Variants in KIF15 observed in about 807,000 individuals in gnomAD.
KIF15 encodes kinesin-like protein KIF15.
In KIF15, 140 loss-of-function variants were observed where a neutral mutation model predicts 190.6. The observed-to-expected ratio is 0.73, with a 90% CI of 0.64 to 0.84. The LOEUF (loss-of-function observed/expected upper bound fraction) is 0.84. KIF15 is among the 40% of genes least tolerant of loss of function. The probability of loss-of-function intolerance (pLI) is 0.00; values close to 1 mark genes in which losing one functional copy is unlikely to be tolerated. For synonymous variants in KIF15, 528 were observed against 551.3 expected, an observed-to-expected ratio of 0.96 and a Z score of 0.59; for missense variants, 1,372 against 1,584.4, an observed-to-expected ratio of 0.87 and a Z score of 2.28.
rs540486591 is a variant in KIF15, at chr3:44,813,596, T to TC, written c.2383+417dup. On this transcript the variant is annotated intron_variant, in intron 19 of 34. Transcript: ENST00000326047. The stretch of plus-strand genomic sequence containing the variant: ...TACCATGCCTGGCTAATTTTTTTTT[T>TC]CTTTGGTCATTTTTTTTTTGTTTTG... 2.0e-5 allele frequency among the ~76,000 whole-genome samples: 3 copies of TC among 151,124 alleles called. No individual in the cohort carries two copies. The East Asian group carries it at 5.9e-4, about 30-fold the overall frequency.
chr3:44,801,425 C>G (rs1358672273), intron 11 of KIF15, 25 bp from the exon 12 acceptor site: 1 of 1,364,372 alleles, frequency 7.3e-7, no homozygotes, highest in East Asian at 2.3e-5. Context: ...TTTTCATCTT[C>G]CCTTTCTTAT....
At chr3:44,796,737 C>T (rs1707005112) in intron 8 of KIF15, among the ~76,000 whole-genome samples, 1 of 152,032 alleles carries the variant, frequency 6.6e-6, no homozygotes, top group Non-Finnish European at 1.5e-5. Flanking sequence ...CTCATTTTTT[C>T]CCCCCACCAA....
chr3:44,851,680 T>C (rs1699061471), intron 32 of KIF15, 107 bp from the exon 33 acceptor site: 1 of 827,688 alleles, frequency 1.2e-6, no homozygotes. Context: ...AGATTAGTAA[T>C]ACTTTCAAAT....
chr3:44,862,148 T>TGCGGGCGGGCGG (rs575042744), intron 6 of KIF15: 2 of 118,732 alleles, frequency 1.7e-5, no homozygotes, highest in African/African-American at 6.6e-5. Context: ...GTGCTGCTGC[T>TGCGGGCGGGCGG]GCGGGCGGGC....
At position 44,810,861 on chromosome 3, in the gene KIF15, A is replaced by G. The variant is rs141153314; in HGVS notation, c.1987A>G (p.Thr663Ala). 4,604 of 1,613,158 alleles carry G rather than the reference A, an allele frequency of 2.9e-3. 9 individuals carry two copies. The highest frequency in any genetic ancestry group is 3.7e-3 in the Non-Finnish European group (4,330 of 1,179,716). ...AETLKIITTP[T>A]KAYQLHSRPV... ...TTTGCTGCAGATTATAACTACACCAACCAAGGCCTACCAACTTCATTCCCG... is the reference window on the plus strand; with the variant it reads ...TTTGCTGCAGATTATAACTACACCAGCCAAGGCCTACCAACTTCATTCCCG... Residue 663 changes from threonine to alanine, a missense_variant, in exon 17 of 35, where the codon ACC becomes GCC. Coordinates refer to ENST00000326047, the MANE Select transcript of KIF15 (RefSeq NM_020242.3).
At chr3:44,814,818 G>A (rs901519549) in intron 19 of KIF15, 93 bp from the exon 20 acceptor site, 20 of 961,398 alleles carry the variant, frequency 2.1e-5, no homozygotes, top group African/African-American at 1.3e-4. Flanking sequence ...TAGTCTCTTC[G>A]ACTTGATTTT....
Position 44,776,423 on chromosome 3 carries a change from T to TA in KIF15, c.246+1002dup, listed in dbSNP as rs771749089. Among the ~76,000 whole-genome samples, 204 of 134,732 alleles carry TA rather than the reference T, an allele frequency of 1.5e-3. 1 individual carries two copies. The highest frequency in any genetic ancestry group is 0.012 in the East Asian group (57 of 4,702). The allele number at this position is 134,732 out of a possible 152,430, so 88.4% of individuals were successfully genotyped here. On this transcript the variant is annotated intron_variant, in intron 3 of 34. Transcript: ENST00000326047. ...GGCAACAGAGCAAGACTCTATCTCT[T>TA]AAAAAAAAAAAAAAAAGATCTGTGA...
Position 44,826,031 on chromosome 3 carries a change from T to A in KIF15, c.2550-8T>A. 1 of 1,575,750 alleles carries A rather than the reference T, an allele frequency of 6.3e-7. No individual in the cohort carries two copies. Among genetic ancestry groups the A allele is most frequent in the Non-Finnish European group, 8.6e-7 (1 of 1,168,220 alleles). Reference sequence around the variant, plus strand: ...ATTTACCATTTTTAAAATGTTTTCCTTATAAAGGTTAGAAAACGAAAAGCT... The same window carrying A: ...ATTTACCATTTTTAAAATGTTTTCCATATAAAGGTTAGAAAACGAAAAGCT... On this transcript the variant is annotated splice_polypyrimidine_tract_variant and splice_region_variant and intron_variant, in intron 20 of 34. Transcript: ENST00000326047.
chr3:44,827,246 C>G (rs1697714609), intron 22 of KIF15: 1 of 500,724 alleles, frequency 2.0e-6, no homozygotes, highest in Non-Finnish European at 3.7e-6. Flanking sequence ...ACTAAACACT[C>G]TGAGGAAAAA....
intron 1 of KIF15, among the ~76,000 whole-genome samples, chr3:44,769,796 G>A (rs1705567218): frequency 6.6e-6 from 1 of 152,128 alleles, no homozygotes; most frequent in Admixed American, 6.5e-5. Flanking sequence ...TGTGAAAGGG[G>A]TCCTCCTCCA....
intron 5 of KIF15, among the ~76,000 whole-genome samples, chr3:44,781,388 T>G (rs1421230780): frequency 6.6e-6 from 1 of 152,234 alleles, no homozygotes; most frequent in Non-Finnish European, 1.5e-5. Flanking sequence ...TCACTCATGT[T>G]GTTGCATGTA....
intron 7 of KIF15, among the ~76,000 whole-genome samples, chr3:44,789,663 TATATATATATATATATATATA>T (rs1706582900): frequency 5.0e-5 from 1 of 19,964 alleles, no homozygotes; most frequent in African/African-American, 8.9e-5. Flanking sequence ...TATATATATA[TATATATATATATATATATATA>T]TATATATAAA....
intron 10 of KIF15, among the ~76,000 whole-genome samples, chr3:44,800,032 G>A (rs1470503907): frequency 6.6e-6 from 1 of 152,046 alleles, no homozygotes; most frequent in Non-Finnish European, 1.5e-5. Context: ...GAACACACCC[G>A]GATCCTAAGG....
intron 20 of KIF15, among the ~76,000 whole-genome samples, chr3:44,825,690 C>T (rs536295356): frequency 2.0e-5 from 3 of 152,330 alleles, no homozygotes; most frequent in Admixed American, 6.5e-5. Context: ...GCCTGGCTTA[C>T]GTGAGCATTA....
In KIF15 at chr3:44,830,054, A is replaced by C. The variant is rs766129439; in HGVS notation, c.3027A>C (p.Lys1009Asn). Reference protein sequence around the residue: ...CEKTETIDTLKQELKDINCKY... With the variant: ...CEKTETIDTLNQELKDINCKY... ...AAACAGAAACTATAGACACCCTGAA[A>C]CAAGAACTGAAGGACATAAATGTAA... Residue 1009 changes from lysine (K) to asparagine (N), a missense_variant, in exon 25 of 35, where the codon AAA becomes AAC. By Grantham distance (94) the Lys-to-Asn change is moderately conservative (BLOSUM62 0). Transcript: ENST00000326047. 10 of 1,587,878 alleles carry C rather than the reference A, an allele frequency of 6.3e-6. No individual in the cohort carries two copies. The highest frequency in any genetic ancestry group is 8.6e-6 in the Non-Finnish European group (10 of 1,168,150).
intron 5 of KIF15, among the ~76,000 whole-genome samples, chr3:44,782,463 T>C (rs1706215934): frequency 6.6e-6 from 1 of 152,254 alleles, no homozygotes; most frequent in South Asian, 2.1e-4. Context: ...TGAATACTTG[T>C]ACTTACAGTA....
chr3:44,814,780 C>T, intron 19 of KIF15, 131 bp from the exon 20 acceptor site: 2 of 612,432 alleles, frequency 3.3e-6, no homozygotes, highest in Non-Finnish European at 2.6e-6. Flanking sequence ...GTACCCGCCA[C>T]TTAATTCTTT....
chr3:44,864,079 G>C, intron 6 of KIF15: 1 of 1,253,650 alleles, frequency 8.0e-7, no homozygotes, highest in Non-Finnish European at 1.1e-6. Context: ...CCTCTGAGCT[G>C]TAGTGGGAGC....
chr3:44,837,056 A>G (rs1698356246), intron 26 of KIF15, among the ~76,000 whole-genome samples: 1 of 152,204 alleles, frequency 6.6e-6, no homozygotes, highest in East Asian at 1.9e-4. Flanking sequence ...AGGAACTCAG[A>G]TAAGACAAAT....
Sources: allele counts gnomAD v4.1 joint callset (sites outside exome capture counted in the v4.1 genomes callset), GRCh38; gene constraint gnomAD v4.1.1; transcripts MANE v1.5; gene names NCBI Gene and HGNC (gene_info 2026-07-23, HGNC 2026-07-21).